UVRAG: variants seen among roughly 807,000 people sequenced by gnomAD.
UVRAG encodes UV radiation resistance associated.
Under a neutral mutation model 78.0 loss-of-function variants are expected in UVRAG, and 19 were observed. The observed-to-expected ratio is 0.24, with a 90% CI of 0.17 to 0.36. The LOEUF is 0.36. UVRAG is among the 10% of genes least tolerant of loss of function. The pLI, the probability that UVRAG is intolerant of heterozygous loss-of-function variation, is 1.00. For missense variants in UVRAG, 740 were observed against 853.8 expected, an observed-to-expected ratio of 0.87 and a Z score of 1.66; for synonymous variants, 323 against 324.6, an observed-to-expected ratio of 1.00 and a Z score of 0.05.
intron 6 of UVRAG, among the ~76,000 whole-genome samples, chr11:75,945,105 A>C (rs985457965): frequency 6.6e-6 from 1 of 152,172 alleles, no homozygotes; most frequent in Non-Finnish European, 1.5e-5. Context: ...CATCTAAAAA[A>C]ATAAATTAAT....
intron 12 of UVRAG, among the ~76,000 whole-genome samples, chr11:76,062,241 A>T (rs1019500696): frequency 6.6e-6 from 1 of 152,194 alleles, no homozygotes; most frequent in Non-Finnish European, 1.5e-5. Context: ...TCAACTCAAG[A>T]TCCTTAACTA....
In UVRAG at chr11:76,008,732, G is replaced by C. The variant is rs909654078; in HGVS notation, c.1000-75G>C. 9 of 813,418 alleles carry C rather than the reference G, an allele frequency of 1.1e-5. No individual in the cohort carries two copies. The African/African-American group carries it at 1.6e-4, about 14-fold the overall frequency. The allele number at this position is 813,418 out of a possible 1,614,324, so 50.4% of individuals were successfully genotyped here. The stretch of plus-strand genomic sequence containing the variant: ...TAGAACAGTGTTTTGAGTCAGCACC[G>C]ACCTGCTGATCTGAGATTTAACTTA... On this transcript the variant is annotated intron_variant, in intron 10 of 14. Coordinates refer to ENST00000356136, the MANE Select transcript of UVRAG (RefSeq NM_003369.4).
intron 14 of UVRAG, among the ~76,000 whole-genome samples, chr11:76,131,288 T>C (rs1463271828): frequency 1.3e-5 from 2 of 152,188 alleles, no homozygotes; most frequent in Non-Finnish European, 2.9e-5. Context: ...CACTGTGTAT[T>C]CCCTGATCCC....
chr11:75,871,108 A>G (rs1946637707), intron 3 of UVRAG, among the ~76,000 whole-genome samples: 1 of 152,128 alleles, frequency 6.6e-6, no homozygotes, highest in African/African-American at 2.4e-5. Flanking sequence ...CCCAGACCTC[A>G]GGTGATTCGC....
At chr11:75,985,750 TA>T in intron 8 of UVRAG, among the ~76,000 whole-genome samples, 1 of 152,294 alleles carries the variant, frequency 6.6e-6, no homozygotes, top group East Asian at 1.9e-4. Flanking sequence ...TTCGTATTGA[TA>T]GTCAGTTGAC....
chr11:76,123,436 G>A (rs1219946945), intron 14 of UVRAG, among the ~76,000 whole-genome samples: 1 of 152,204 alleles, frequency 6.6e-6, no homozygotes, highest in Non-Finnish European at 1.5e-5. Context: ...GAAGCACGTG[G>A]GTCGGGTGAG....
At chr11:76,071,853 A>G (rs11236610) in intron 13 of UVRAG, among the ~76,000 whole-genome samples, 34 of 152,286 alleles carry the variant, frequency 2.2e-4, no homozygotes, top group Non-Finnish European at 4.9e-4. Context: ...CAACTCCTTT[A>G]ATGTTACTGC....
chr11:75,886,996 C>T (rs566180968), intron 4 of UVRAG, among the ~76,000 whole-genome samples: 2 of 148,458 alleles, frequency 1.3e-5, no homozygotes, highest in African/African-American at 5.0e-5. Flanking sequence ...GACGGAGTCT[C>T]GCTCTGTCGC....
chr11:75,823,280 T>C (rs959630495), intron 1 of UVRAG, among the ~76,000 whole-genome samples: 1 of 152,234 alleles, frequency 6.6e-6, no homozygotes, highest in Non-Finnish European at 1.5e-5. Context: ...CTCTATACTG[T>C]AGTCTTTGGA....
chr11:75,999,600 C>T (rs957633414), intron 8 of UVRAG, among the ~76,000 whole-genome samples: 6 of 151,956 alleles, frequency 3.9e-5, no homozygotes, highest in Non-Finnish European at 7.4e-5. Context: ...AGGCTGGTCT[C>T]GAACTCCTGA....
chr11:76,090,273 A>G (rs1212306776), intron 13 of UVRAG, among the ~76,000 whole-genome samples: 1 of 152,170 alleles, frequency 6.6e-6, no homozygotes, highest in Non-Finnish European at 1.5e-5. Context: ...ATACATTTAA[A>G]TGTTAAGTCT....
At chr11:76,112,364 A>G (rs1025195547) in intron 13 of UVRAG, among the ~76,000 whole-genome samples, 1 of 152,204 alleles carries the variant, frequency 6.6e-6, no homozygotes, top group Non-Finnish European at 1.5e-5. Flanking sequence ...AAGTATAAGA[A>G]TGGAATAGTT....
intron 8 of UVRAG, among the ~76,000 whole-genome samples, chr11:75,998,546 C>T (rs954455192): frequency 1.1e-4 from 17 of 152,076 alleles, no homozygotes; most frequent in Admixed American, 1.1e-3. Flanking sequence ...AAAGTCATAA[C>T]TTTTCTTAAA....
chr11:76,084,485 A>G (rs1028232096), intron 13 of UVRAG, among the ~76,000 whole-genome samples: 3 of 152,232 alleles, frequency 2.0e-5, no homozygotes, highest in Admixed American at 2.0e-4. Context: ...GAACATAGCC[A>G]TTAAAATATA....
At chr11:76,046,234 A>G (rs927396382) in intron 12 of UVRAG, among the ~76,000 whole-genome samples, 6 of 152,196 alleles carry the variant, frequency 3.9e-5, no homozygotes, top group African/African-American at 1.2e-4. Flanking sequence ...CTTCTGGAAG[A>G]TGTGCTCTAT....
At chr11:76,054,927 T>C (rs1300602046) in intron 12 of UVRAG, among the ~76,000 whole-genome samples, 2 of 152,268 alleles carry the variant, frequency 1.3e-5, no homozygotes, top group Admixed American at 1.3e-4. Context: ...TTAGAGTCTT[T>C]GGTATAAAGT....
At chr11:75,969,830 C>G (rs1209122501) in intron 7 of UVRAG, among the ~76,000 whole-genome samples, 1 of 152,100 alleles carries the variant, frequency 6.6e-6, no homozygotes, top group Non-Finnish European at 1.5e-5. Context: ...CGAGGCCATA[C>G]CATGATGCAT....
chr11:75,956,178 T>C (rs1422073506), intron 6 of UVRAG, among the ~76,000 whole-genome samples: 1 of 152,230 alleles, frequency 6.6e-6, no homozygotes, highest in Non-Finnish European at 1.5e-5. Flanking sequence ...CTGTTGATTC[T>C]TCTATTTGAT....
intron 6 of UVRAG, among the ~76,000 whole-genome samples, chr11:75,939,853 A>G (rs1258171619): frequency 6.6e-6 from 1 of 152,164 alleles, no homozygotes; most frequent in Non-Finnish European, 1.5e-5. Context: ...GGTAATTTTG[A>G]TTTATGTCCA....
Sources: allele counts gnomAD v4.1 joint callset (sites outside exome capture counted in the v4.1 genomes callset), GRCh38; gene constraint gnomAD v4.1.1; transcripts MANE v1.5; gene names NCBI Gene and HGNC (gene_info 2026-07-23, HGNC 2026-07-21).